CTNNA3: variants seen among roughly 807,000 people sequenced by gnomAD.
CTNNA3 encodes catenin alpha-3.
In CTNNA3, 76 loss-of-function variants were observed where a neutral mutation model predicts 95.7. The observed-to-expected ratio is 0.79, with a 90% confidence interval of 0.66 to 0.96. CTNNA3 has a LOEUF of 0.96. CTNNA3 is among the 40% of genes least tolerant of loss of function. The pLI is 0.00. For missense variants in CTNNA3, 1,191 were observed against 1,089.8 expected (o/e 1.09, Z -1.31); for synonymous variants, 431 against 374.4 (o/e 1.15, Z -1.74).
chr10:66,430,696 C>T (rs2093286688), intron 11 of CTNNA3, among the ~76,000 whole-genome samples: 2 of 152,084 alleles, frequency 1.3e-5, no homozygotes, highest in African/African-American at 2.4e-5. Context: ...AACTGGCTAG[C>T]CATATGTAGA....
At chr10:66,911,949 T>C (rs1846240469) in intron 7 of CTNNA3, among the ~76,000 whole-genome samples, 1 of 152,182 alleles carries the variant, frequency 6.6e-6, no homozygotes, top group Non-Finnish European at 1.5e-5. Context: ...GCCTAGAGTA[T>C]TTCAAAAGGA....
chr10:65,925,437 A>G (rs2077155154), intron 17 of CTNNA3, among the ~76,000 whole-genome samples: 1 of 151,814 alleles, frequency 6.6e-6, no homozygotes, highest in South Asian at 2.1e-4. Context: ...TTCTTCTAAT[A>G]TATCTTTTCT....
chr10:66,228,522 A>T (rs2089434777), intron 13 of CTNNA3, among the ~76,000 whole-genome samples: 1 of 152,050 alleles, frequency 6.6e-6, no homozygotes, highest in Non-Finnish European at 1.5e-5. Flanking sequence ...GTTATTTTTT[A>T]AAAATACCTC....
At chr10:66,301,931 A>G (rs544842155) in intron 12 of CTNNA3, among the ~76,000 whole-genome samples, 10 of 152,216 alleles carry the variant, frequency 6.6e-5, no homozygotes, top group African/African-American at 2.4e-4. Context: ...TCTATATAGA[A>G]AATAGCAAAG....
At chr10:67,292,632 C>T (rs1839883688) in intron 5 of CTNNA3, among the ~76,000 whole-genome samples, 1 of 152,120 alleles carries the variant, frequency 6.6e-6, no homozygotes, top group African/African-American at 2.4e-5. Flanking sequence ...TGAAACCATA[C>T]TCTAAGGGAT....
At chr10:67,580,221 T>C (rs959148602) in intron 3 of CTNNA3, among the ~76,000 whole-genome samples, 11 of 152,224 alleles carry the variant, frequency 7.2e-5, no homozygotes, top group Non-Finnish European at 1.0e-4. Flanking sequence ...CATTCTTGAA[T>C]TAATTTTTGT....
intron 10 of CTNNA3, among the ~76,000 whole-genome samples, chr10:66,543,909 GTGTA>G (rs1297059037): frequency 8.2e-4 from 8 of 9,702 alleles, no homozygotes; most frequent in Admixed American, 3.3e-3. Flanking sequence ...ATGTGTGTGT[GTGTA>G]TATATATATA....
intron 7 of CTNNA3, among the ~76,000 whole-genome samples, chr10:67,115,758 G>A (rs1859149982): frequency 6.6e-6 from 1 of 151,670 alleles, no homozygotes; most frequent in African/African-American, 2.4e-5. Context: ...GGGGAGAGAG[G>A]GCAAAAGTTG....
Position 66,374,604 on chromosome 10 carries a change from GCCTTTT to G in CTNNA3, c.1732+4542_1732+4547del, listed in dbSNP as rs1203374531. ...GCTCATATTCCATTTTGAAAGAAAA[GCCTTTT>G]TTTTTTTTTTTTTTTTTTTTTTGAG... On this transcript the variant is annotated intron_variant, in intron 12 of 17. Coordinates refer to ENST00000433211, the MANE Select transcript of CTNNA3 (RefSeq NM_013266.4). 2.0e-3 allele frequency among the ~76,000 whole-genome samples: 254 copies of G among 129,052 alleles called. 9 individuals carry two copies. Among genetic ancestry groups the G allele is most frequent in the African/African-American group, 7.0e-3 (239 of 34,288 alleles). The allele number at this position is 129,052 out of a possible 152,430, so 84.7% of individuals were successfully genotyped here.
rs148594318 is a variant in CTNNA3 at position 66,256,109 on chromosome 10, T to A, written c.1884+24361A>T. Reference sequence around the variant, plus strand: ...GGCAGGGGCAGGTGAGATTATATAATAACTTGTTTGTTGGAAGGAATGAAA... The same window carrying A: ...GGCAGGGGCAGGTGAGATTATATAAAAACTTGTTTGTTGGAAGGAATGAAA... On this transcript the variant is annotated intron_variant, in intron 13 of 17. Coordinates refer to ENST00000433211, the MANE Select transcript of CTNNA3 (RefSeq NM_013266.4). Among the ~76,000 whole-genome samples, 634 of 152,284 alleles carry A rather than the reference T, an allele frequency of 4.2e-3. 4 individuals carry two copies. The highest frequency in any genetic ancestry group is 0.014 in the African/African-American group (600 of 41,550).
chr10:66,176,959 G>GAA (rs35280540), intron 13 of CTNNA3, among the ~76,000 whole-genome samples: 82 of 148,836 alleles, frequency 5.5e-4, no homozygotes, highest in Non-Finnish European at 1.0e-3. Flanking sequence ...TTTCTTAAGG[G>GAA]AAAAAAAAAA....
chr10:67,322,367 T>G (rs964039201), intron 5 of CTNNA3, among the ~76,000 whole-genome samples: 4 of 152,138 alleles, frequency 2.6e-5, no homozygotes, highest in African/African-American at 9.7e-5. Flanking sequence ...CCGGATCCTC[T>G]CCCTCCTCTC....
At chr10:67,394,957 T>C (rs998693111) in intron 5 of CTNNA3, among the ~76,000 whole-genome samples, 18 of 152,144 alleles carry the variant, frequency 1.2e-4, no homozygotes, top group African/African-American at 4.1e-4. Flanking sequence ...ACATCAGTTA[T>C]TCACCATCAA....
rs1554844560 is a variant in CTNNA3, at chr10:66,743,984, A to AAAAAG, written c.1281+22279_1281+22280insCTTTT. ...AGTGAGATTCCATCTCAAAAAAAAA[A>AAAAAG]AAAAAAAAAAAAAAAGGAAAGAAGG... On this transcript the variant is annotated intron_variant, in intron 9 of 17. Transcript: ENST00000433211. Among the ~76,000 whole-genome samples the AAAAAG allele has an allele frequency of 2.0e-4, 30 of 146,788 alleles. No homozygotes were observed. The South Asian group carries it at 2.5e-3, about 12-fold the overall frequency.
At chr10:66,303,840 A>G (rs1022894610) in intron 12 of CTNNA3, among the ~76,000 whole-genome samples, 2 of 152,110 alleles carry the variant, frequency 1.3e-5, no homozygotes, top group Middle Eastern at 3.4e-3. Context: ...TGATCCGCCC[A>G]CCTCGGCCTC....
intron 15 of CTNNA3, among the ~76,000 whole-genome samples, chr10:66,053,881 T>A (rs74641482): frequency 4.0e-4 from 61 of 152,260 alleles, no homozygotes; most frequent in African/African-American, 1.4e-3. Flanking sequence ...CAACTATATG[T>A]TTGTACCCAT....
chr10:66,016,605 C>T (rs2079101015), intron 15 of CTNNA3, among the ~76,000 whole-genome samples: 1 of 152,074 alleles, frequency 6.6e-6, no homozygotes, highest in African/African-American at 2.4e-5. Flanking sequence ...AAGAGTGAGT[C>T]TAATTCCATT....
At position 66,755,593 on chromosome 10, in the gene CTNNA3, G is replaced by A. The variant is rs147511466; in HGVS notation, c.1281+10671C>T. On this transcript the variant is annotated intron_variant, in intron 9 of 17. Coordinates refer to ENST00000433211, the MANE Select transcript of CTNNA3 (RefSeq NM_013266.4). ...ATTATCAATACGAAATATTGGCAAGGGTGTGGAGCAACTGGAATTCTTATA... is the reference window on the plus strand; with the variant it reads ...ATTATCAATACGAAATATTGGCAAGAGTGTGGAGCAACTGGAATTCTTATA... 9.5e-4 allele frequency among the ~76,000 whole-genome samples: 145 copies of A among 152,196 alleles called. 1 individual carries two copies. The East Asian group carries it at 0.022, about 24-fold the overall frequency.
At chr10:67,690,204 C>G (rs1047819562) in intron 1 of CTNNA3, among the ~76,000 whole-genome samples, 2 of 152,048 alleles carry the variant, frequency 1.3e-5, no homozygotes, top group Admixed American at 1.3e-4. Flanking sequence ...AAAGGCAGCA[C>G]GTCTGGAGTT....
Sources: allele counts gnomAD v4.1 joint callset (sites outside exome capture counted in the v4.1 genomes callset), GRCh38; gene constraint gnomAD v4.1.1; transcripts MANE v1.5; gene names NCBI Gene and HGNC (gene_info 2026-07-23, HGNC 2026-07-21).